MTMR7: variants seen among roughly 807,000 people sequenced by gnomAD.
MTMR7 encodes the protein myotubularin related protein 7.
A neutral mutation model predicts 81.2 loss-of-function variants in MTMR7; 76 were observed. That is an observed-to-expected ratio of 0.94 (90% CI 0.78 to 1.13). The LOEUF is 1.13. MTMR7 is among the 50% of genes most tolerant of loss of function. The pLI is 0.00. For synonymous variants in MTMR7, 372 were observed against 289.8 expected (o/e 1.28, Z -2.88); for missense variants, 1,044 against 820.0 (o/e 1.27, Z -3.34).
intron 7 of MTMR7, among the ~76,000 whole-genome samples, chr8:17,320,705 C>G (rs1279271448): frequency 1.1e-4 from 16 of 152,210 alleles, no homozygotes; most frequent in Admixed American, 1.0e-3. Context: ...TTCTGGAGAT[C>G]TGATGCCTTG....
chr8:17,379,146 G>C (rs1424668242), intron 1 of MTMR7, among the ~76,000 whole-genome samples: 2 of 152,146 alleles, frequency 1.3e-5, no homozygotes, highest in Admixed American at 6.5e-5. Flanking sequence ...GATGGAGTAA[G>C]GCAAGAACTG....
At chr8:17,401,857 T>C (rs1342154664) in intron 1 of MTMR7, among the ~76,000 whole-genome samples, 3 of 152,142 alleles carry the variant, frequency 2.0e-5, no homozygotes, top group Non-Finnish European at 4.4e-5. Context: ...ACCTATTAGA[T>C]ATACAAATTA....
intron 3 of MTMR7, among the ~76,000 whole-genome samples, chr8:17,368,097 G>C (rs1203334767): frequency 6.6e-6 from 1 of 151,982 alleles, no homozygotes; most frequent in East Asian, 1.9e-4. Context: ...GTGGGGTTGG[G>C]GGATAGTTTC....
At chr8:17,364,178 C>T (rs1474120179) in intron 3 of MTMR7, among the ~76,000 whole-genome samples, 6 of 151,622 alleles carry the variant, frequency 4.0e-5, no homozygotes, top group African/African-American at 1.5e-4. Context: ...TACAGGAGCC[C>T]GCCACCACGC....
intron 5 of MTMR7, among the ~76,000 whole-genome samples, chr8:17,344,166 G>C (rs1819487711): frequency 6.6e-6 from 1 of 152,180 alleles, no homozygotes; most frequent in Non-Finnish European, 1.5e-5. Context: ...AAAGCACAGA[G>C]AGGTTAAGTA....
At chr8:17,321,667 C>T (rs1430927669) in intron 7 of MTMR7, among the ~76,000 whole-genome samples, 1 of 152,162 alleles carries the variant, frequency 6.6e-6, no homozygotes, top group Non-Finnish European at 1.5e-5. Flanking sequence ...TTTGTTCACT[C>T]TTGTTGCCAA....
At chr8:17,371,012 T>C (rs375525933) in intron 3 of MTMR7, 25 bp downstream of exon 3, 15 of 1,599,660 alleles carry the variant, frequency 9.4e-6, no homozygotes, top group Admixed American at 7.0e-5. Context: ...GGTTCCATAT[T>C]AAATGCCGAG....
At chr8:17,307,356 G>A (rs1448893955) in intron 10 of MTMR7, among the ~76,000 whole-genome samples, 1 of 152,198 alleles carries the variant, frequency 6.6e-6, no homozygotes, top group African/African-American at 2.4e-5. Context: ...ACACCAGTTA[G>A]AATGGCGATC....
intron 6 of MTMR7, among the ~76,000 whole-genome samples, chr8:17,340,240 A>C (rs1819365255): frequency 6.6e-6 from 1 of 152,232 alleles, no homozygotes; most frequent in African/African-American, 2.4e-5. Flanking sequence ...GGCACAAGCC[A>C]CTGCGCCCAG....
chr8:17,335,741 G>A (rs1212305089), intron 6 of MTMR7, among the ~76,000 whole-genome samples: 1 of 152,204 alleles, frequency 6.6e-6, no homozygotes, highest in East Asian at 1.9e-4. Flanking sequence ...CTACAACTGT[G>A]CTAGTCAAAA....
intron 1 of MTMR7, among the ~76,000 whole-genome samples, chr8:17,401,476 T>A (rs552467828): frequency 7.9e-5 from 12 of 152,164 alleles, no homozygotes; most frequent in African/African-American, 2.4e-4. Flanking sequence ...AGAATTTCCC[T>A]CTGGGTGTGA....
At position 17,304,746 on chromosome 8, in the gene MTMR7, C is replaced by CGTGTGTGTGTGT. The variant is rs10527892; in HGVS notation, c.1353-239_1353-228dup. Among the ~76,000 whole-genome samples the CGTGTGTGTGTGT allele has an allele frequency of 5.1e-3, 749 of 147,078 alleles. 13 individuals are homozygous for CGTGTGTGTGTGT. Among genetic ancestry groups the CGTGTGTGTGTGT allele is most frequent in the Middle Eastern group, 0.017 (5 of 294 alleles). On this transcript the variant is annotated intron_variant, in intron 11 of 13. Coordinates refer to ENST00000180173, the MANE Select transcript of MTMR7 (RefSeq NM_004686.5). Reference sequence around the variant, plus strand: ...ACTGGCCTTGACAAGGTGTTCGATTCGTGTGTGTGTGTGTGTGTGTGTTAA... The same window carrying CGTGTGTGTGTGT: ...ACTGGCCTTGACAAGGTGTTCGATTCGTGTGTGTGTGTGTGTGTGTGTGTGTGTGTGTGTTAA...
intron 1 of MTMR7, among the ~76,000 whole-genome samples, chr8:17,405,780 A>C (rs1428847744): frequency 6.6e-6 from 1 of 151,974 alleles, no homozygotes; most frequent in Non-Finnish European, 1.5e-5. Context: ...AGGTTTAATA[A>C]AATGAGAAAA....
chr8:17,308,703 A>C (rs943399144), intron 10 of MTMR7, among the ~76,000 whole-genome samples: 6 of 152,186 alleles, frequency 3.9e-5, no homozygotes, highest in African/African-American at 1.4e-4. Flanking sequence ...GTGACTCCCA[A>C]AACAACAGCT....
At chr8:17,305,427 T>C (rs928407479) in intron 11 of MTMR7, among the ~76,000 whole-genome samples, 3 of 152,212 alleles carry the variant, frequency 2.0e-5, no homozygotes, top group South Asian at 4.1e-4. Flanking sequence ...TATGGTAGCA[T>C]AGCCACCAAA....
intron 6 of MTMR7, among the ~76,000 whole-genome samples, chr8:17,332,659 A>G (rs891543194): frequency 3.3e-5 from 5 of 152,352 alleles, no homozygotes; most frequent in Middle Eastern, 3.4e-3. Context: ...CTGAATGTCT[A>G]TTGCTTTTGC....
intron 6 of MTMR7, among the ~76,000 whole-genome samples, chr8:17,337,114 G>A (rs761846835): frequency 1.3e-5 from 2 of 152,172 alleles, no homozygotes; most frequent in African/African-American, 2.4e-5. Flanking sequence ...GCTCACGCCT[G>A]TAATCCTAGC....
chr8:17,390,665 C>A (rs1280180747), intron 1 of MTMR7, among the ~76,000 whole-genome samples: 1 of 151,518 alleles, frequency 6.6e-6, no homozygotes, highest in East Asian at 2.0e-4. Flanking sequence ...AATTGACTCA[C>A]AGTTCTGCAT....
intron 1 of MTMR7, among the ~76,000 whole-genome samples, chr8:17,397,429 C>T (rs1465309186): frequency 2.6e-5 from 4 of 152,096 alleles, no homozygotes; most frequent in Non-Finnish European, 4.4e-5. Context: ...TCGGTGGTGG[C>T]CTGCAGAAAC....
Sources: allele counts gnomAD v4.1 joint callset (sites outside exome capture counted in the v4.1 genomes callset), GRCh38; gene constraint gnomAD v4.1.1; transcripts MANE v1.5; gene names NCBI Gene and HGNC (gene_info 2026-07-23, HGNC 2026-07-21).